RCL1: variants seen among roughly 807,000 people sequenced by gnomAD.
The protein encoded by RCL1 is RNA terminal phosphate cyclase like 1.
In RCL1, 24 loss-of-function variants were observed where a neutral mutation model predicts 42.4. The ratio of observed to expected loss-of-function variants is 0.57; its 90% CI spans 0.41 to 0.80. The LOEUF is 0.80. Among genes scored for constraint, RCL1 ranks in the 30% least tolerant of loss-of-function variants. The probability of loss-of-function intolerance (pLI) is 0.00; values close to 1 mark genes in which losing one functional copy is unlikely to be tolerated. For missense variants in RCL1, 578 were observed against 467.9 expected (o/e 1.24, Z -2.17); for synonymous variants, 228 against 177.3 (o/e 1.29, Z -2.27).
At chr9:4,818,743 G>A (rs552543175) in intron 1 of RCL1, among the ~76,000 whole-genome samples, 10 of 152,112 alleles carry the variant, frequency 6.6e-5, no homozygotes, top group East Asian at 1.9e-4. Context: ...ATGGTGGCAC[G>A]TGCCTGTAGT....
intron 5 of RCL1, among the ~76,000 whole-genome samples, chr9:4,837,020 A>C (rs971573603): frequency 3.3e-5 from 5 of 152,142 alleles, no homozygotes; most frequent in Non-Finnish European, 5.9e-5. Flanking sequence ...TTCCTTTCCT[A>C]GGAGCCCCCA....
intron 8 of RCL1, among the ~76,000 whole-genome samples, chr9:4,855,007 C>T (rs891211752): frequency 6.7e-5 from 10 of 149,300 alleles, no homozygotes; most frequent in African/African-American, 1.7e-4. Flanking sequence ...TAGCTGAGAT[C>T]GCACCATTGC....
chr9:4,812,951 G>A (rs971992832), intron 1 of RCL1, among the ~76,000 whole-genome samples: 1 of 152,072 alleles, frequency 6.6e-6, no homozygotes, highest in African/African-American at 2.4e-5. Context: ...TTGTTTATCA[G>A]TTCTAGGAGT....
intron 1 of RCL1, among the ~76,000 whole-genome samples, chr9:4,811,463 A>G (rs1317480858): frequency 6.6e-6 from 1 of 151,904 alleles, no homozygotes; most frequent in African/African-American, 2.4e-5. Flanking sequence ...CCACTATTCT[A>G]TCCTCTACTT....
intron 7 of RCL1, among the ~76,000 whole-genome samples, chr9:4,848,109 C>G (rs2129698404): frequency 6.6e-6 from 1 of 152,314 alleles, no homozygotes; most frequent in African/African-American, 2.4e-5. Context: ...CTGAAGAGAA[C>G]ACTTTAATTT....
At chr9:4,817,565 T>C (rs1816427292) in intron 1 of RCL1, among the ~76,000 whole-genome samples, 2 of 151,870 alleles carry the variant, frequency 1.3e-5, no homozygotes, top group Non-Finnish European at 1.5e-5. Context: ...CCTCAACCTC[T>C]TGGGCTCAAG....
At chr9:4,813,540 A>G (rs897284568) in intron 1 of RCL1, among the ~76,000 whole-genome samples, 2 of 152,248 alleles carry the variant, frequency 1.3e-5, no homozygotes, top group Non-Finnish European at 2.9e-5. Flanking sequence ...AGGAAACAAC[A>G]GGTGCTGAAG....
intron 5 of RCL1, among the ~76,000 whole-genome samples, chr9:4,837,664 C>T (rs1027168566): frequency 6.6e-6 from 1 of 152,108 alleles, no homozygotes; most frequent in African/African-American, 2.4e-5. Flanking sequence ...GATGATGATG[C>T]TGGGAAATGG....
intron 8 of RCL1, among the ~76,000 whole-genome samples, chr9:4,854,433 T>A (rs16922198): frequency 6.6e-6 from 1 of 152,008 alleles, no homozygotes; most frequent in African/African-American, 2.4e-5. Context: ...TTCCAGAGCA[T>A]GTCCTTACAC....
chr9:4,837,608 G>A (rs1409752267), intron 5 of RCL1, among the ~76,000 whole-genome samples: 2 of 152,160 alleles, frequency 1.3e-5, no homozygotes, highest in Non-Finnish European at 2.9e-5. Context: ...TCATCACAGT[G>A]GGGTCCCCCT....
intron 8 of RCL1, among the ~76,000 whole-genome samples, chr9:4,856,387 C>A (rs1357448912): frequency 6.6e-6 from 1 of 152,176 alleles, no homozygotes; most frequent in Admixed American, 6.5e-5. Flanking sequence ...TGCCTCTTTA[C>A]TGAGAACCTT....
At position 4,835,937 on chromosome 9, in the gene RCL1, G is replaced by A. The variant is rs575801972; in HGVS notation, c.584+1672G>A. Among the ~76,000 whole-genome samples the A allele has an allele frequency of 3.9e-5, 6 of 152,250 alleles. 1 individual carries two copies. In the South Asian group the frequency reaches 8.3e-4, roughly 21 times the overall value. On this transcript the variant is annotated intron_variant, in intron 5 of 8. Coordinates refer to ENST00000381750, the MANE Select transcript of RCL1 (RefSeq NM_005772.5). ...GATGGATTCAAGGCCACAGGCATAC[G>A]GTAAGGGTGGCTCCAGGTAGAGCTG...
At chr9:4,838,719 C>T (rs1251507324) in intron 5 of RCL1, among the ~76,000 whole-genome samples, 1 of 152,090 alleles carries the variant, frequency 6.6e-6, no homozygotes, top group Non-Finnish European at 1.5e-5. Context: ...CATAAATGGG[C>T]TTTAGGAGGT....
chr9:4,825,106 G>A (rs537637293), intron 2 of RCL1, among the ~76,000 whole-genome samples: 3 of 151,512 alleles, frequency 2.0e-5, no homozygotes, highest in South Asian at 4.2e-4. Flanking sequence ...GTAGAGACAG[G>A]GTGATCTGTC....
intron 1 of RCL1, among the ~76,000 whole-genome samples, chr9:4,808,305 T>C (rs148915801): frequency 6.6e-6 from 1 of 152,142 alleles, no homozygotes; most frequent in African/African-American, 2.4e-5. Context: ...TAGTATTTTT[T>C]AATTTTTTAT....
intron 5 of RCL1, among the ~76,000 whole-genome samples, chr9:4,837,634 T>C (rs1214532068): frequency 6.6e-6 from 1 of 152,164 alleles, no homozygotes; most frequent in Admixed American, 6.5e-5. Flanking sequence ...TCTCTGGGTG[T>C]GCAGATGGTC....
At chr9:4,803,211 A>G (rs1428045869) in intron 1 of RCL1, among the ~76,000 whole-genome samples, 1 of 152,122 alleles carries the variant, frequency 6.6e-6, no homozygotes, top group African/African-American at 2.4e-5. Context: ...AGATCAGAAG[A>G]CAAAAGTAGA....
At chr9:4,820,400 T>C (rs1008171268) in intron 1 of RCL1, among the ~76,000 whole-genome samples, 2 of 152,218 alleles carry the variant, frequency 1.3e-5, no homozygotes, top group Admixed American at 1.3e-4. Context: ...CTGAGTCTGC[T>C]TCTTTGAAGT....
intron 1 of RCL1, among the ~76,000 whole-genome samples, chr9:4,806,030 GTGTGTGTGTGTGTGTT>G (rs1371469043): frequency 1.4e-5 from 2 of 140,378 alleles, no homozygotes; most frequent in African/African-American, 2.7e-5. Context: ...GTGTGTGTGT[GTGTGTGTGTGTGTGTT>G]TGTGTGTGTG....
Sources: gnomAD v4.1 joint callset for allele counts (sites outside exome capture counted in the v4.1 genomes callset) on GRCh38, gnomAD v4.1.1 for gene constraint, MANE v1.5 for transcripts, NCBI Gene and HGNC (gene_info 2026-07-23, HGNC 2026-07-21) for gene names.